EFCAB7: variants seen among roughly 807,000 people sequenced by gnomAD.
EFCAB7 encodes EF-hand calcium-binding domain-containing protein 7.
Under a neutral mutation model 77.1 loss-of-function variants are expected in EFCAB7, and 66 were observed. The observed-to-expected ratio is 0.86, with a 90% CI of 0.70 to 1.05. EFCAB7 has a LOEUF of 1.05. Ranked by LOEUF, EFCAB7 falls within the 50% of genes least tolerant of loss-of-function variation. The pLI is 0.00. For synonymous variants in EFCAB7, 225 were observed against 243.3 expected, an observed-to-expected ratio of 0.92 and a Z score of 0.70; for missense variants, 638 against 730.5, an observed-to-expected ratio of 0.87 and a Z score of 1.46.
chr1:63,582,000 T>C, the EFCAB7 span, among the ~76,000 whole-genome samples: 5 of 152,248 alleles, frequency 3.3e-5, no homozygotes, highest in African/African-American at 1.2e-4. Context: ...TTAACTGTAG[T>C]ACATATTGCA....
intron 6 of EFCAB7, among the ~76,000 whole-genome samples, chr1:63,539,893 ACATTTCTTT>A (rs1307241104): frequency 5.3e-5 from 8 of 152,318 alleles, no homozygotes; most frequent in African/African-American, 1.7e-4. Context: ...ATGCTGTATA[ACATTTCTTT>A]CATTTCTATT....
chr1:63,568,660 C>A (rs986040387), intron 12 of EFCAB7, 141 bp downstream of exon 12: 8 of 601,804 alleles, frequency 1.3e-5, no homozygotes, highest in Non-Finnish European at 2.1e-5. Flanking sequence ...ATTTTTTCTC[C>A]TCAGGTTTCT....
intron 4 of EFCAB7, 24 bp from the exon 5 acceptor site, chr1:63,533,430 C>A: frequency 2.5e-6 from 4 of 1,581,408 alleles, no homozygotes; most frequent in Non-Finnish European, 3.4e-6. Context: ...ATGTTTTACC[C>A]ACTGGACTTT....
chr1:63,552,375 A>G (rs771953541), intron 8 of EFCAB7, among the ~76,000 whole-genome samples: 29 of 152,334 alleles, frequency 1.9e-4, no homozygotes, highest in South Asian at 6.2e-4. Flanking sequence ...GATATACTCA[A>G]TAAAAAAGGT....
At chr1:63,545,742 A>G (rs1646889940) in intron 6 of EFCAB7, among the ~76,000 whole-genome samples, 174 bp from the exon 7 acceptor site, 1 of 152,194 alleles carries the variant, frequency 6.6e-6, no homozygotes, top group African/African-American at 2.4e-5. Flanking sequence ...TGCCCTGTGT[A>G]TAATAGGATT....
intron 7 of EFCAB7, among the ~76,000 whole-genome samples, chr1:63,546,619 C>T (rs1194330373): frequency 1.3e-5 from 2 of 152,136 alleles, no homozygotes; most frequent in African/African-American, 2.4e-5. Flanking sequence ...CCACCCGCTT[C>T]GGCCTCTCAA....
intron 11 of EFCAB7, among the ~76,000 whole-genome samples, chr1:63,565,187 G>A (rs539748122): frequency 2.6e-5 from 4 of 152,076 alleles, no homozygotes; most frequent in South Asian, 2.1e-4. Flanking sequence ...GTGAAACCCC[G>A]TCTGTACTAA....
chr1:63,546,163 CTAAG>C, intron 7 of EFCAB7, 106 bp downstream of exon 7: 1 of 1,225,362 alleles, frequency 8.2e-7, no homozygotes, highest in Non-Finnish European at 1.1e-6. Flanking sequence ...AATAATCTGC[CTAAG>C]TAAGAATTTA....
At chr1:63,558,876 C>G (rs1647060230) in intron 10 of EFCAB7, among the ~76,000 whole-genome samples, 1 of 151,716 alleles carries the variant, frequency 6.6e-6, no homozygotes, top group Non-Finnish European at 1.5e-5. Context: ...ATTTTTAGAG[C>G]AATTTTAGGT....
At chr1:63,543,095 A>C (rs1646849497) in intron 6 of EFCAB7, among the ~76,000 whole-genome samples, 1 of 152,146 alleles carries the variant, frequency 6.6e-6, no homozygotes, top group South Asian at 2.1e-4. Context: ...TTAGGTCTTC[A>C]GGTTGAGTTA....
Position 63,568,428 on chromosome 1 carries a change from A to G in EFCAB7, c.1616A>G (p.Asn539Ser). ...EKAICKSVLS[N>S]GDAKVMDGYE... is the part of the protein sequence containing the mutation. The stretch of plus-strand genomic sequence containing the variant: ...GCCATTTGTAAATCTGTTCTTAGCA[A>G]CGGTGATGCCAAAGTAATGGATGGC... Residue 539 changes from asparagine to serine, a missense_variant, in exon 12 of 14, where the codon AAC becomes AGC. Transcript: ENST00000371088. 2 of 1,589,798 alleles carry G rather than the reference A, an allele frequency of 1.3e-6. No individual in the cohort carries two copies. The highest frequency in any genetic ancestry group is 1.7e-6 in the Non-Finnish European group (2 of 1,170,098).
intron 13 of EFCAB7, 32 bp downstream of exon 13, chr1:63,571,160 G>A (rs747592464): frequency 1.3e-6 from 2 of 1,514,012 alleles, no homozygotes; most frequent in Non-Finnish European, 1.8e-6. Context: ...AAAGCCTTTT[G>A]TTTTATGTCT....
chr1:63,557,343 A>G, intron 10 of EFCAB7, 96 bp downstream of exon 10: 4 of 1,169,668 alleles, frequency 3.4e-6, no homozygotes, highest in Non-Finnish European at 4.7e-6. Context: ...TGCATGAAAT[A>G]TTATTATAGC....
intron 11 of EFCAB7, among the ~76,000 whole-genome samples, chr1:63,567,377 C>A (rs12071585): frequency 6.6e-6 from 1 of 151,746 alleles, no homozygotes; most frequent in Non-Finnish European, 1.5e-5. Flanking sequence ...CACTTGAACC[C>A]GGGAAGCAGA....
chr1:63,557,161 GTCT>G lies in EFCAB7; in HGVS notation c.1267_1269del (p.Leu423del), dbSNP rs768082981. ...GAAGTAATTGATTTAGATGGAAATG[GTCT>G]TCTTAGCCTTGAAGAATATAATTTT... On this transcript the variant is annotated inframe_deletion, in exon 10 of 14. Coordinates refer to ENST00000371088, the MANE Select transcript of EFCAB7 (RefSeq NM_032437.4). 70 of 1,604,332 alleles carry G rather than the reference GTCT, an allele frequency of 4.4e-5. No individual in the cohort carries two copies. Among genetic ancestry groups the G allele is most frequent in the Non-Finnish European group, 5.4e-5 (64 of 1,176,422 alleles).
intron 10 of EFCAB7, among the ~76,000 whole-genome samples, chr1:63,558,838 C>T (rs1647059862): frequency 6.6e-6 from 1 of 151,796 alleles, no homozygotes. Context: ...TCTCGGCTCA[C>T]TGCAAGCACT....
At chr1:63,527,701 A>G (rs556314174) in intron 2 of EFCAB7, among the ~76,000 whole-genome samples, 109 of 152,326 alleles carry the variant, frequency 7.2e-4, no homozygotes, top group African/African-American at 2.5e-3. Flanking sequence ...GATTGTATCA[A>G]TTTCTTAGCT....
downstream of EFCAB7, among the ~76,000 whole-genome samples, chr1:63,577,663 A>G (rs1339813249): frequency 6.6e-6 from 1 of 152,230 alleles, no homozygotes; most frequent in Non-Finnish European, 1.5e-5. Context: ...TTACATATTA[A>G]TTAGTTAAAA....
chr1:63,570,429 A>G (rs932381170), intron 12 of EFCAB7: 1 of 152,170 alleles, frequency 6.6e-6, no homozygotes, highest in Non-Finnish European at 1.5e-5. Flanking sequence ...CTGTGTTTCT[A>G]TAGATCCTTC....
Sources: allele counts gnomAD v4.1 joint callset (sites outside exome capture counted in the v4.1 genomes callset), GRCh38; gene constraint gnomAD v4.1.1; transcripts MANE v1.5; gene names NCBI Gene and HGNC (gene_info 2026-07-23, HGNC 2026-07-21).